ARAF: variants seen among roughly 807,000 people sequenced by gnomAD.
ARAF encodes serine/threonine-protein kinase A-Raf.
ARAF carries 18 observed loss-of-function variants against 48.0 expected under a neutral mutation model. The ratio of observed to expected loss-of-function variants is 0.37; its 90% CI spans 0.26 to 0.56. The LOEUF (loss-of-function observed/expected upper bound fraction) is 0.56, where lower values mean the gene tolerates loss of function less well. ARAF is among the 20% of genes least tolerant of loss of function. The probability of loss-of-function intolerance (pLI) is 0.77; values close to 1 mark genes in which losing one functional copy is unlikely to be tolerated. For synonymous variants in ARAF, 207 were observed against 220.1 expected (o/e 0.94, Z 0.53); for missense variants, 389 against 543.1 (o/e 0.72, Z 2.82).
At chrX:47,565,486 A>G (rs1442806079) in intron 6 of ARAF, 136 bp downstream of exon 6, 16 of 1,010,534 alleles carry the variant, frequency 1.6e-5, no homozygotes, top group Non-Finnish European at 2.1e-5. Flanking sequence ...TAAGGGCATG[A>G]AACTGGGACC....
intron 15 of ARAF, 75 bp from the exon 16 acceptor site, chrX:47,571,248 T>TGTGTGTG: frequency 1.9e-6 from 2 of 1,077,623 alleles, no homozygotes; most frequent in Non-Finnish European, 2.5e-6. Context: ...TGTGTGTGTG[T>TGTGTGTG]TTCGCCATGA....
intron 8 of ARAF, 21 bp downstream of exon 8, chrX:47,566,932 C>T (rs2147906264): frequency 8.3e-7 from 1 of 1,211,585 alleles, no homozygotes; most frequent in Non-Finnish European, 1.1e-6. Context: ...TGTGCCTGCA[C>T]CCTGACCCCC....
chrX:47,561,972 C>A (rs995236867), intron 1 of ARAF, among the ~76,000 whole-genome samples: 2 of 66,663 alleles, frequency 3.0e-5, no homozygotes, highest in Admixed American at 1.6e-4. Context: ...TGTAGTGACC[C>A]CCCCCCCCCA....
chrX:47,568,647 C>T, intron 10 of ARAF, 71 bp from the exon 11 acceptor site: 2 of 1,098,556 alleles, frequency 1.8e-6, no homozygotes, highest in Non-Finnish European at 2.5e-6. Context: ...AACAGTGCCA[C>T]TCCTGATGCT....
intron 10 of ARAF, 102 bp downstream of exon 10, chrX:47,567,534 T>C (rs2057739149): frequency 2.2e-6 from 2 of 923,035 alleles, no homozygotes; most frequent in East Asian, 6.8e-5. Context: ...CACCTGTGTT[T>C]GTGTTGTTAA....
rs1460354769 is a variant in ARAF at position 47,571,341 on chromosome X, C to T, written c.1705C>T (p.Leu569=). The change falls in exon 16 of 16, where the codon CTG becomes TTG. Residue 569 remains leucine (L), a synonymous_variant. Coordinates refer to ENST00000377045, the MANE Select transcript of ARAF (RefSeq NM_001654.5). ...CCCTCAGATCCTGGCCACAATTGAG[C>T]TGCTGCAACGGTCACTCCCCAAGAT... ...LFPQILATIE[L]LQRSLPKIER... is the part of the protein sequence containing the mutation. 8.3e-7 allele frequency: 1 copy of T among 1,208,286 alleles called. No individual in the cohort carries two copies. Among genetic ancestry groups the T allele is most frequent in the Non-Finnish European group, 1.1e-6 (1 of 894,449 alleles).
In ARAF at chrX:47,565,300, G is replaced by A. The variant is rs773119164; in HGVS notation, c.507G>A (p.Glu169=). 19 of 1,211,828 alleles carry A rather than the reference G, an allele frequency of 1.6e-5. No homozygotes were observed. In the East Asian group the frequency reaches 5.6e-4, roughly 36 times the overall value. The change falls in exon 6 of 16, where the codon GAG becomes GAA. Residue 169 remains glutamate (E), a synonymous_variant. Coordinates refer to ENST00000377045, the MANE Select transcript of ARAF (RefSeq NM_001654.5). ...QDLSGGSRQH[E]APSNRPLNEL... ...TGTCCGGAGGCTCCAGACAGCATGA[G>A]GCTCCCTCGAACCGCCCCCTGAATG...
chrX:47,568,001 C>T (rs1377993004), intron 10 of ARAF, among the ~76,000 whole-genome samples: 5 of 111,290 alleles, frequency 4.5e-5, no homozygotes, highest in Non-Finnish European at 9.4e-5. Context: ...TACTGTATAC[C>T]TATATACTAC....
At chrX:47,566,571 G>A in intron 6 of ARAF, 68 bp from the exon 7 acceptor site, 1 of 1,059,522 alleles carries the variant, frequency 9.4e-7, no homozygotes, top group South Asian at 2.4e-5. Flanking sequence ...TTATGGCTGG[G>A]GGTGGGGTGG....
At position 47,571,562 on chromosome X, in the gene ARAF, C is replaced by T. The variant is rs1175314784; in HGVS notation, c.*105C>T. ...TCTGCCCTGATGCTGCCTCAGGATC[C>T]CCCATTCCCCACCCTGGGAGATGAG... On this transcript the variant is annotated 3_prime_UTR_variant, in exon 16 of 16. Coordinates refer to ENST00000377045, the MANE Select transcript of ARAF (RefSeq NM_001654.5). 3 of 1,033,469 alleles carry T rather than the reference C, an allele frequency of 2.9e-6. No individual in the cohort carries two copies. The highest frequency in any genetic ancestry group is 3.8e-5 in the African/African-American group (2 of 52,836). 85.2% of individuals were successfully genotyped at this position (1,033,469 alleles called of 1,213,427 possible).
At chrX:47,564,749 ATGG>A in intron 3 of ARAF, 45 bp from the exon 4 acceptor site, 2 of 1,076,739 alleles carry the variant, frequency 1.9e-6, no homozygotes, top group South Asian at 2.0e-5. Flanking sequence ...CTGCCTCCCC[ATGG>A]CCCCTACCCA....
intron 6 of ARAF, 93 bp downstream of exon 6, chrX:47,565,443 G>A (rs1346677299): frequency 8.9e-7 from 1 of 1,125,961 alleles, no homozygotes; most frequent in African/African-American, 1.8e-5. Context: ...TTGTTTACTT[G>A]ACAAACATTT....
chrX:47,571,198 G>C, intron 15 of ARAF, 125 bp from the exon 16 acceptor site: 1 of 1,022,367 alleles, frequency 9.8e-7, no homozygotes, highest in Non-Finnish European at 1.3e-6. Flanking sequence ...TTCGCCATGA[G>C]GCTGGGACTG....
chrX:47,567,028 G>T lies in ARAF; in HGVS notation c.770G>T (p.Ser257Ile), dbSNP rs1175260065. 2 of 1,211,858 alleles carry T rather than the reference G, an allele frequency of 1.7e-6. No individual in the cohort carries two copies. The highest frequency in any genetic ancestry group is 1.8e-5 in the South Asian group (1 of 57,013). The change falls in exon 9 of 16, where the codon AGC (serine) becomes ATC (isoleucine). Residue 257 changes from serine (S) to isoleucine (I), a missense_variant. This residue lies in a region of ARAF where 154 missense variants were observed against 133.6 expected (regional missense o/e 1.15). Transcript: ENST00000377045. The stretch of plus-strand genomic sequence containing the variant: ...GGTAGTGATGGAACCCCCCGGGGGA[G>T]CCCCAGCCCAGCCAGCGTGTCCTCG... ...RGGSDGTPRG[S>I]PSPASVSSGR...
chrX:47,571,495 C>G lies in ARAF; in HGVS notation c.*38C>G, dbSNP rs1208653511. The G allele has an allele frequency of 8.5e-7, 1 of 1,182,200 alleles. No homozygotes were observed. Among genetic ancestry groups the G allele is most frequent in the Admixed American group, 2.3e-5 (1 of 42,909 alleles). Reference sequence around the variant, plus strand: ...CCACCAGGGAGCCAATCTCAGCCCTCCACGCCAAGGAGCCTTGCCCACCAG... The same window carrying G: ...CCACCAGGGAGCCAATCTCAGCCCTGCACGCCAAGGAGCCTTGCCCACCAG... On this transcript the variant is annotated 3_prime_UTR_variant, in exon 16 of 16. Transcript: ENST00000377045.
At chrX:47,568,916 GGGGTGGGGGGAAA>G in intron 11 of ARAF, 22 bp downstream of exon 11, 2 of 1,204,319 alleles carry the variant, frequency 1.7e-6, no homozygotes, top group Non-Finnish European at 2.2e-6. Flanking sequence ...AGCCTGGGGA[GGGGTGGGGGGAAA>G]GGGTGGGGGA....
In ARAF at chrX:47,571,199, G is replaced by T. The variant is rs1603048288; in HGVS notation, c.1687-124G>T. 6 of 1,007,189 alleles carry T rather than the reference G, an allele frequency of 6.0e-6. No individual in the cohort carries two copies. The East Asian group carries it at 1.6e-4, about 27-fold the overall frequency. 83.0% of individuals were successfully genotyped at this position (1,007,189 alleles called of 1,213,427 possible). A position where few individuals can be genotyped will look rare whatever the true frequency, so the allele number is the denominator to read the frequency against. On this transcript the variant is annotated intron_variant, in intron 15 of 15. Transcript: ENST00000377045. ...GTGTGTATGTGTGTTTCGCCATGAG[G>T]CTGGGACTGTTGGGTGTGTGTGTGT...
In ARAF at chrX:47,570,858, C is replaced by T; in HGVS notation, c.1552-20C>T. Reference sequence around the variant, plus strand: ...CCCCTGACCCCAGATCACCCCTTTCCTGCCCCCGTCTGCCCCCAGATTATC... The same window carrying T: ...CCCCTGACCCCAGATCACCCCTTTCTTGCCCCCGTCTGCCCCCAGATTATC... On this transcript the variant is annotated intron_variant, in intron 14 of 15. Transcript: ENST00000377045. 8.3e-7 allele frequency: 1 copy of T among 1,198,194 alleles called. No individual in the cohort carries two copies. Among genetic ancestry groups the T allele is most frequent in the East Asian group, 3.0e-5 (1 of 33,608 alleles).
chrX:47,566,696 C>A lies in ARAF; in HGVS notation c.615C>A (p.Ala205=), dbSNP rs55846150. 2 of 1,200,403 alleles carry A rather than the reference C, an allele frequency of 1.7e-6. No individual in the cohort carries two copies. Among genetic ancestry groups the A allele is most frequent in the South Asian group, 1.8e-5 (1 of 54,829 alleles). ...EHFPFPAPAN[A]PLQRIRSTST... ...TCCCCTTCCCTGCCCCAGCCAATGC[C>A]CCCCTACAGCGCATCCGCTCCACGT... Residue 205 remains alanine, a synonymous_variant, in exon 7 of 16, where the codon GCC becomes GCA. Coordinates refer to ENST00000377045, the MANE Select transcript of ARAF (RefSeq NM_001654.5).
Sources: allele counts gnomAD v4.1 joint callset (sites outside exome capture counted in the v4.1 genomes callset), GRCh38; gene constraint gnomAD v4.1.1; regional missense constraint gnomAD v4.1.1; transcripts MANE v1.5; gene names NCBI Gene and HGNC (gene_info 2026-07-23, HGNC 2026-07-21).